NOMO3: variants seen among roughly 807,000 people sequenced by gnomAD.
NOMO3 encodes BOS complex subunit NOMO3.
A neutral mutation model predicts 69.9 loss-of-function variants in NOMO3; 15 were observed. That is an observed-to-expected ratio of 0.21 (90% CI 0.14 to 0.33). The LOEUF is 0.33. Ranked by LOEUF, NOMO3 falls within the 10% of genes least tolerant of loss-of-function variation. NOMO3 has a pLI of 1.00. For missense variants in NOMO3, 218 were observed against 761.0 expected (o/e 0.29, Z 8.39); for synonymous variants, 89 against 301.9 (o/e 0.29, Z 7.31).
chr16:16,269,152 C>T (rs2049642775), intron 16 of NOMO3, among the ~76,000 whole-genome samples: 1 of 143,952 alleles, frequency 6.9e-6, no homozygotes, highest in Non-Finnish European at 1.5e-5. Context: ...AGTATTGCTT[C>T]CTGGGGAAGG....
chr16:16,251,512 A>T (rs1286531534), intron 7 of NOMO3: 1 of 191,302 alleles, frequency 5.2e-6, no homozygotes, highest in Non-Finnish European at 1.0e-5. Context: ...AAAAAAAAAA[A>T]TTCAAGAATA....
chr16:16,258,661 C>G lies in NOMO3; in HGVS notation c.1220+2503C>G, dbSNP rs560515405. Among the ~76,000 whole-genome samples, 15 of 142,918 alleles carry G rather than the reference C, an allele frequency of 1.0e-4. 2 individuals are homozygous for G. In the East Asian group the frequency reaches 3.2e-3, roughly 31 times the overall value. 93.8% of individuals were successfully genotyped at this position (142,918 alleles called of 152,430 possible). On this transcript the variant is annotated intron_variant, in intron 11 of 30. Coordinates refer to ENST00000399336, the MANE Select transcript of NOMO3 (RefSeq NM_001004067.4). ...TGGGCGGATCATGAGGTCAGGAGTT[C>G]AAGCGCAGCCTGGCCAGCATGGTGA...
At chr16:16,248,172 G>C (rs2049429047) in intron 6 of NOMO3, among the ~76,000 whole-genome samples, 1 of 17,626 alleles carries the variant, frequency 5.7e-5, no homozygotes, top group Non-Finnish European at 1.0e-4. Flanking sequence ...TTGCAACCTC[G>C]GCCTTCTGTG....
chr16:16,242,228 TGC>T (rs2049379784), intron 3 of NOMO3, among the ~76,000 whole-genome samples: 1 of 108,656 alleles, frequency 9.2e-6, no homozygotes. Flanking sequence ...TGTGTGTGTG[TGC>T]ATGTACGCGT....
At chr16:16,241,094 C>T (rs1434656683) in intron 3 of NOMO3, among the ~76,000 whole-genome samples, 1 of 143,148 alleles carries the variant, frequency 7.0e-6, no homozygotes, top group Non-Finnish European at 1.5e-5. Context: ...AGTGAACACA[C>T]CCATGTATCC....
intron 11 of NOMO3, among the ~76,000 whole-genome samples, chr16:16,257,205 T>TGC (rs1304370651): frequency 8.1e-6 from 1 of 122,952 alleles, no homozygotes; most frequent in Admixed American, 7.9e-5. Flanking sequence ...TTTCTCCCAC[T>TGC]GGGGCCAACG....
intron 3 of NOMO3, among the ~76,000 whole-genome samples, chr16:16,240,984 T>A (rs1336450335): frequency 6.9e-5 from 10 of 144,584 alleles, no homozygotes; most frequent in South Asian, 4.4e-4. Context: ...TGGAGGAGTG[T>A]TGTGTTTGCC....
rs770450328 is a variant in NOMO3 at position 16,261,592 on chromosome 16, C to A, written c.1311C>A (p.Asp437Glu). The A allele has an allele frequency of 6.3e-7, 1 of 1,584,508 alleles. No individual in the cohort carries two copies. Among genetic ancestry groups the A allele is most frequent in the Non-Finnish European group, 8.5e-7 (1 of 1,175,150 alleles). ...ACAAAGTTGTCCTGTCATCTCAAGA[C>A]AAGGACAAGTCTTTGGTCACCGTGG... The part of the protein sequence containing the change: ...NKYKVVLSSQ[D>E]KDKSLVTVET... Residue 437 changes from aspartate to glutamate, a missense_variant, in exon 12 of 31, where the codon GAC (aspartate) becomes GAA (glutamate). Physicochemically the swap from Asp to Glu is conservative, Grantham distance 45. Transcript: ENST00000399336.
intron 20 of NOMO3, 82 bp downstream of exon 20, chr16:16,274,157 G>A: frequency 1.1e-6 from 1 of 893,292 alleles, no homozygotes; most frequent in East Asian, 3.3e-5. Flanking sequence ...GATTTGTGAT[G>A]TTATAGTGAA....
intron 11 of NOMO3, among the ~76,000 whole-genome samples, chr16:16,260,449 T>C (rs1326386261): frequency 1.4e-5 from 2 of 141,856 alleles, no homozygotes; most frequent in Non-Finnish European, 3.0e-5. Flanking sequence ...CTGGAGATAG[T>C]GAGCTCATAT....
At chr16:16,253,160 G>A (rs2049479530) in intron 9 of NOMO3, among the ~76,000 whole-genome samples, 2 of 138,742 alleles carry the variant, frequency 1.4e-5, no homozygotes, top group African/African-American at 6.3e-5. Flanking sequence ...TGACAGGAAG[G>A]GTCAATACAT....
intron 7 of NOMO3, chr16:16,251,550 A>G (rs1040774354): frequency 8.7e-6 from 2 of 229,282 alleles, no homozygotes; most frequent in African/African-American, 5.8e-5. Context: ...CTCACAAGAC[A>G]TTGCACATCT....
chr16:16,261,543 A>C lies in NOMO3; in HGVS notation c.1262A>C (p.Asp421Ala). Residue 421 changes from aspartate (D) to alanine (A), a missense_variant, in exon 12 of 31, where the codon GAC becomes GCC. By Grantham distance (126) the Asp-to-Ala change is moderately radical. Coordinates refer to ENST00000399336, the MANE Select transcript of NOMO3 (RefSeq NM_001004067.4). ...CAGATATCAATCATTCGCTTCCCCGACACCGTCAAGCAGATGAATAAATAC... is the reference window on the plus strand; with the variant it reads ...CAGATATCAATCATTCGCTTCCCCGCCACCGTCAAGCAGATGAATAAATAC... ...CGQISIIRFPDTVKQMNKYKV... is the reference protein window; with the variant it reads ...CGQISIIRFPATVKQMNKYKV... 1 of 1,588,604 alleles carries C rather than the reference A, an allele frequency of 6.3e-7. No homozygotes were observed. The highest frequency in any genetic ancestry group is 8.5e-7 in the Non-Finnish European group (1 of 1,177,070).
chr16:16,265,026 G>A lies in NOMO3; in HGVS notation c.1670-17G>A. The A allele has an allele frequency of 6.6e-7, 1 of 1,514,504 alleles. No individual in the cohort carries two copies. The highest frequency in any genetic ancestry group is 8.8e-7 in the Non-Finnish European group (1 of 1,130,204). 93.8% of individuals were successfully genotyped at this position (1,514,504 alleles called of 1,614,324 possible). A position where few individuals can be genotyped will look rare whatever the true frequency, so the allele number is the denominator to read the frequency against. Reference sequence around the variant, plus strand: ...GCTCCACGCCCATGTATCCGTTTTTGGTGTTTGCTTTTGCAGTAAGCATCA... The same window carrying A: ...GCTCCACGCCCATGTATCCGTTTTTAGTGTTTGCTTTTGCAGTAAGCATCA... On this transcript the variant is annotated splice_polypyrimidine_tract_variant and intron_variant, in intron 14 of 30. Coordinates refer to ENST00000399336, the MANE Select transcript of NOMO3 (RefSeq NM_001004067.4).
At position 16,263,132 on chromosome 16, in the gene NOMO3, C is replaced by G; in HGVS notation, c.1454C>G (p.Pro485Arg). Residue 485 changes from proline to arginine, a missense_variant, in exon 13 of 31, where the codon CCT becomes CGT. Transcript: ENST00000399336. ...AGLTLKPQTF[P>R]LTVTDRPVMD... The stretch of plus-strand genomic sequence containing the variant: ...CTGACGTTGAAACCCCAGACATTTC[C>G]TCTTACTGTGACCGACAGGCCTGTG... 2 of 1,591,590 alleles carry G rather than the reference C, an allele frequency of 1.3e-6. No homozygotes were observed. Among genetic ancestry groups the G allele is most frequent in the South Asian group, 2.2e-5 (2 of 89,364 alleles).
At chr16:16,249,581 CAA>C (rs771140259) in intron 6 of NOMO3, among the ~76,000 whole-genome samples, 106 of 50,408 alleles carry the variant, frequency 2.1e-3, no homozygotes, top group Middle Eastern at 0.012. Context: ...GACTCCATCT[CAA>C]AAAAAAAAAA....
At chr16:16,268,708 C>T (rs1461786167) in intron 16 of NOMO3, among the ~76,000 whole-genome samples, 7 of 142,020 alleles carry the variant, frequency 4.9e-5, no homozygotes, top group East Asian at 2.3e-4. Context: ...TGTGGCAGTG[C>T]GTGGCTGCCA....
chr16:16,242,986 C>T (rs1389587648), intron 3 of NOMO3, among the ~76,000 whole-genome samples, 175 bp from the exon 4 acceptor site: 1 of 143,648 alleles, frequency 7.0e-6, no homozygotes, highest in Non-Finnish European at 1.5e-5. Flanking sequence ...GGAGACTTTT[C>T]CCAGAATACT....
intron 11 of NOMO3, among the ~76,000 whole-genome samples, chr16:16,258,666 G>A (rs1026084948): frequency 1.4e-5 from 2 of 142,934 alleles, no homozygotes; most frequent in African/African-American, 5.8e-5. Context: ...GAGTTCAAGC[G>A]CAGCCTGGCC....
Sources: gnomAD v4.1 joint callset for allele counts (sites outside exome capture counted in the v4.1 genomes callset) on GRCh38, gnomAD v4.1.1 for gene constraint, MANE v1.5 for transcripts, NCBI Gene and HGNC (gene_info 2026-07-23, HGNC 2026-07-21) for gene names.